ATP13A4: variants seen among roughly 807,000 people sequenced by gnomAD.
ATP13A4 encodes ATPase 13A4.
ATP13A4 carries 114 observed loss-of-function variants against 142.5 expected under a neutral mutation model. The observed-to-expected ratio is 0.80, with a 90% CI of 0.69 to 0.93. The LOEUF (loss-of-function observed/expected upper bound fraction) is 0.93. Among genes scored for constraint, ATP13A4 ranks in the 40% least tolerant of loss-of-function variants. The pLI is 0.00. For synonymous variants in ATP13A4, 488 were observed against 514.8 expected (o/e 0.95, Z 0.70); for missense variants, 1,392 against 1,454.0 (o/e 0.96, Z 0.69).
rs546770026 is a variant in ATP13A4, at chr3:193,540,768, C to A, written c.60+13972G>T. On this transcript the variant is annotated intron_variant, in intron 1 of 29. Coordinates refer to ENST00000342695, the MANE Select transcript of ATP13A4 (RefSeq NM_032279.4). ...TGAAGAGAAACAACATAAAATCATGCAGTATGATGTTAAATTTAATTGAAA... is the reference window on the plus strand; with the variant it reads ...TGAAGAGAAACAACATAAAATCATGAAGTATGATGTTAAATTTAATTGAAA... 3.3e-5 allele frequency among the ~76,000 whole-genome samples: 5 copies of A among 150,876 alleles called. No individual in the cohort carries two copies. In the East Asian group the frequency reaches 9.8e-4, roughly 30 times the overall value.
chr3:193,466,057 T>A lies in ATP13A4; in HGVS notation c.1240A>T (p.Ile414Phe), dbSNP rs747042982. ...CLVGTATIGMIYTLCVYVLSG... is the reference protein window; with the variant it reads ...CLVGTATIGMFYTLCVYVLSG... ...AGCACATAGACACACAGAGTATAGATCATCCCAATGGTGGCTGTTCCTACA... is the reference window on the plus strand; with the variant it reads ...AGCACATAGACACACAGAGTATAGAACATCCCAATGGTGGCTGTTCCTACA... Residue 414 changes from isoleucine to phenylalanine, a missense_variant, in exon 11 of 30, where the codon ATC (isoleucine) becomes TTC (phenylalanine). Physicochemically the swap from Ile to Phe is conservative, Grantham distance 21 (BLOSUM62 0). Coordinates refer to ENST00000342695, the MANE Select transcript of ATP13A4 (RefSeq NM_032279.4). 6.2e-7 allele frequency: 1 copy of A among 1,614,152 alleles called. No homozygotes were observed.
In ATP13A4 at chr3:193,432,076, G is replaced by A. The variant is rs1156575955; in HGVS notation, c.2842+1769C>T. Among the ~76,000 whole-genome samples the A allele has an allele frequency of 9.3e-5, 14 of 151,100 alleles. No homozygotes were observed. In the East Asian group the frequency reaches 2.3e-3, roughly 25 times the overall value. On this transcript the variant is annotated intron_variant, in intron 25 of 29. Coordinates refer to ENST00000342695, the MANE Select transcript of ATP13A4 (RefSeq NM_032279.4). ...AGAATTTTTAAAAGAAAGAAGATAT[G>A]AGAATGTATTATATGCCATCATTGG... is the stretch of plus-strand genomic sequence containing the variant.
chr3:193,435,855 C>T (rs1423925186), intron 23 of ATP13A4, 111 bp from the exon 24 acceptor site: 26 of 924,650 alleles, frequency 2.8e-5, no homozygotes, highest in Admixed American at 1.4e-4. Flanking sequence ...AGTCATTATA[C>T]GACTGTCTGT....
chr3:193,581,511 G>T (rs533188109), intron 2 of ATP13A4, among the ~76,000 whole-genome samples: 1 of 152,132 alleles, frequency 6.6e-6, no homozygotes. Context: ...TGCAATGGAC[G>T]TGATAACCAC....
intron 1 of ATP13A4, among the ~76,000 whole-genome samples, chr3:193,582,923 T>C (rs1195929904): frequency 6.1e-5 from 4 of 65,368 alleles, no homozygotes; most frequent in Non-Finnish European, 1.0e-4. Context: ...AATATATATG[T>C]ATATTACATA....
intron 2 of ATP13A4, among the ~76,000 whole-genome samples, chr3:193,562,549 G>C (rs939863710): frequency 1.3e-5 from 2 of 152,136 alleles, no homozygotes; most frequent in Non-Finnish European, 2.9e-5. Context: ...CCAGGCCCTA[G>C]ATACAGTGAA....
At chr3:193,482,859 A>G (rs1271313542) in intron 8 of ATP13A4, among the ~76,000 whole-genome samples, 2 of 152,200 alleles carry the variant, frequency 1.3e-5, no homozygotes, top group African/African-American at 2.4e-5. Context: ...TTAAATATCT[A>G]TCTAGTACAT....
intron 25 of ATP13A4, among the ~76,000 whole-genome samples, chr3:193,424,320 A>G (rs989142582): frequency 7.4e-5 from 5 of 67,310 alleles, no homozygotes; most frequent in Admixed American, 3.5e-4. Context: ...TCACAGAAAT[A>G]GAAAAAAAAA....
chr3:193,456,109 G>T (rs1403953918), intron 16 of ATP13A4, among the ~76,000 whole-genome samples: 1 of 152,052 alleles, frequency 6.6e-6, no homozygotes, highest in Non-Finnish European at 1.5e-5. Flanking sequence ...ATCTGTACAA[G>T]AAACCCCCAT....
chr3:193,499,011 C>T (rs1233700261), intron 3 of ATP13A4, among the ~76,000 whole-genome samples: 1 of 152,158 alleles, frequency 6.6e-6, no homozygotes, highest in African/African-American at 2.4e-5. Context: ...TCCCTTAGCT[C>T]TAAGGTCTAG....
At chr3:193,526,534 T>C (rs1003569850) in intron 1 of ATP13A4, among the ~76,000 whole-genome samples, 2 of 152,114 alleles carry the variant, frequency 1.3e-5, no homozygotes, top group African/African-American at 4.8e-5. Context: ...GACAGGTTGA[T>C]AGGTGCAGCA....
At chr3:193,495,020 TG>T (rs1720148311) in intron 3 of ATP13A4, among the ~76,000 whole-genome samples, 1 of 152,078 alleles carries the variant, frequency 6.6e-6, no homozygotes, top group East Asian at 1.9e-4. Flanking sequence ...GAAAAATTCC[TG>T]GACACATGTA....
At chr3:193,551,560 C>T (rs1045377210) in intron 1 of ATP13A4, among the ~76,000 whole-genome samples, 7 of 152,252 alleles carry the variant, frequency 4.6e-5, no homozygotes, top group African/African-American at 1.2e-4. Context: ...GCAGCTCACA[C>T]CTCGCCAGAA....
chr3:193,407,505 T>C, intron 28 of ATP13A4, 112 bp from the exon 29 acceptor site: 4 of 734,754 alleles, frequency 5.4e-6, no homozygotes, highest in South Asian at 1.5e-5. Flanking sequence ...ATGTAATATA[T>C]ATGTGTGTAT....
At chr3:193,514,895 C>T (rs772415714) in intron 1 of ATP13A4, 24 bp from the exon 2 acceptor site, 1 of 1,610,234 alleles carries the variant, frequency 6.2e-7, no homozygotes, top group South Asian at 1.1e-5. Flanking sequence ...AAAATGATAC[C>T]AAATATTGGT....
At position 193,412,170 on chromosome 3, in the gene ATP13A4, CTACTCACAGTTTG is replaced by C; in HGVS notation, c.3203_3208+7del. 1 of 1,589,720 alleles carries C rather than the reference CTACTCACAGTTTG, an allele frequency of 6.3e-7. No homozygotes were observed. The highest frequency in any genetic ancestry group is 8.6e-7 in the Non-Finnish European group (1 of 1,157,834). On this transcript the variant is annotated splice_donor_variant and splice_donor_5th_base_variant and coding_sequence_variant and intron_variant, in exon 27 of 30. Coordinates refer to ENST00000342695, the MANE Select transcript of ATP13A4 (RefSeq NM_032279.4). LOFTEE classifies it high-confidence loss of function. ...TTCTCACCTCTGATGCAGTACAGTTCTACTCACAGTTTGTATAAGTTGGCTGTCTAAATGGTTT... is the reference window on the plus strand; with the variant it reads ...TTCTCACCTCTGATGCAGTACAGTTCTATAAGTTGGCTGTCTAAATGGTTT...
chr3:193,479,839 G>A (rs544898402), intron 8 of ATP13A4, among the ~76,000 whole-genome samples: 1 of 152,130 alleles, frequency 6.6e-6, no homozygotes, highest in Non-Finnish European at 1.5e-5. Flanking sequence ...AACAAATCTG[G>A]AGGTATCACA....
At chr3:193,422,715 G>A (rs1269096657) in intron 25 of ATP13A4, among the ~76,000 whole-genome samples, 1 of 148,866 alleles carries the variant, frequency 6.7e-6, no homozygotes, top group African/African-American at 2.5e-5. Flanking sequence ...AAAACCTTTG[G>A]GATACAGCAA....
At chr3:193,429,336 T>C (rs1576951522) in intron 25 of ATP13A4, among the ~76,000 whole-genome samples, 1 of 152,214 alleles carries the variant, frequency 6.6e-6, no homozygotes, top group African/African-American at 2.4e-5. Context: ...CTCAAAAAGA[T>C]ATTTTATGCA....
Sources: gnomAD v4.1 joint callset for allele counts (sites outside exome capture counted in the v4.1 genomes callset) on GRCh38, gnomAD v4.1.1 for gene constraint, MANE v1.5 for transcripts, NCBI Gene and HGNC (gene_info 2026-07-23, HGNC 2026-07-21) for gene names.